The following SBNO2 variants were observed in gnomAD, a reference collection of about 807,000 sequenced individuals.
The protein encoded by SBNO2 is strawberry notch homolog 2.
SBNO2 carries 89 observed loss-of-function variants against 146.3 expected under a neutral mutation model. The ratio of observed to expected loss-of-function variants is 0.61; its 90% confidence interval spans 0.51 to 0.73. SBNO2 has a LOEUF of 0.73. Ranked by LOEUF, SBNO2 falls within the 30% of genes least tolerant of loss-of-function variation. The pLI is 0.00. For missense variants in SBNO2, 2,092 were observed against 2,003.7 expected (o/e 1.04, Z -0.84); for synonymous variants, 1,147 against 892.6 (o/e 1.29, Z -5.08).
At chr19:1,146,261 GCA>G (rs2080188859) in intron 4 of SBNO2, among the ~76,000 whole-genome samples, 1 of 152,062 alleles carries the variant, frequency 6.6e-6, no homozygotes, top group Non-Finnish European at 1.5e-5. Flanking sequence ...GGTCACCCCA[GCA>G]CAGACTCAGG....
chr19:1,166,703 G>A (rs1357231542), intron 1 of SBNO2, among the ~76,000 whole-genome samples: 1 of 152,048 alleles, frequency 6.6e-6, no homozygotes, highest in Non-Finnish European at 1.5e-5. Flanking sequence ...TTGAGCCTGT[G>A]GTCCCCTCTA....
chr19:1,108,802 G>A lies in SBNO2; in HGVS notation c.3593C>T (p.Thr1198Ile), dbSNP rs765157269. ...SSYLQIVRLK[T>I]KDRKKQVGIK... ...ACCCACTTGCTTCTTCCTGTCCTTG[G>A]TCTTCAGCCGCACGATCTGCAGGTA... Residue 1198 changes from threonine to isoleucine, a missense_variant, in exon 31 of 32, where the codon ACC (threonine) becomes ATC (isoleucine). By Grantham distance (89) the Thr-to-Ile change is moderately conservative (BLOSUM62 -1). Transcript: ENST00000361757. 2.7e-5 allele frequency: 44 copies of A among 1,603,094 alleles called. No homozygotes were observed. The highest frequency in any genetic ancestry group is 3.6e-5 in the Non-Finnish European group (42 of 1,179,034).
rs1050695027 is a variant in SBNO2 at position 1,150,969 on chromosome 19, C to T, written c.94-1527G>A. ...CACAGCTCCTCCCCTGCACAGAGGC[C>T]GGCAGCCTGGGCACCCTGAGCTCCT... On this transcript the variant is annotated intron_variant, in intron 2 of 31. Coordinates refer to ENST00000361757, the MANE Select transcript of SBNO2 (RefSeq NM_014963.3). This position sits in a 1 kb window ranked among gnomAD's most constrained non-coding sequence, Gnocchi z 6.2. 3.3e-5 allele frequency among the ~76,000 whole-genome samples: 5 copies of T among 152,234 alleles called. No individual in the cohort carries two copies. The highest frequency in any genetic ancestry group is 9.6e-5 in the African/African-American group (4 of 41,468).
In SBNO2 at chr19:1,122,184, G is replaced by A. The variant is rs1405074159; in HGVS notation, c.1104C>T (p.Arg368=). Residue 368 remains arginine, a synonymous_variant, in exon 11 of 32, where the codon CGC becomes CGT. Transcript: ENST00000361757. ...CACACCAGTCCAGGATCTGCCGGAGGCGAGTGCGGTGCTGGCCGCCGGCCT... is the reference window on the plus strand; with the variant it reads ...CACACCAGTCCAGGATCTGCCGGAGACGAGTGCGGTGCTGGCCGCCGGCCT... ...ESQAGGQHRT[R]LRQILDWCGE... 2 of 1,539,414 alleles carry A rather than the reference G, an allele frequency of 1.3e-6. No individual in the cohort carries two copies. Among genetic ancestry groups the A allele is most frequent in the South Asian group, 1.2e-5 (1 of 82,252 alleles).
chr19:1,111,113 A>G lies in SBNO2; in HGVS notation c.2810-20T>C. 6.5e-7 allele frequency: 1 copy of G among 1,541,604 alleles called. No homozygotes were observed. The highest frequency in any genetic ancestry group is 8.7e-7 in the Non-Finnish European group (1 of 1,145,936). On this transcript the variant is annotated intron_variant, in intron 24 of 31. Transcript: ENST00000361757. ...TCATGTCTGCGGGGAGAGGGGCCTC[A>G]CATGCTGGTCTTCCCACCCCTGCCC...
chr19:1,123,155 T>G (rs551804881), intron 7 of SBNO2, 110 bp from the exon 8 acceptor site: 4 of 1,269,532 alleles, frequency 3.2e-6, no homozygotes, highest in Non-Finnish European at 4.4e-6. Context: ...GGCGGGGCAG[T>G]TTGGGGGCGT....
chr19:1,130,254 T>C lies in SBNO2; in HGVS notation c.280-2489A>G, dbSNP rs984657920. Among the ~76,000 whole-genome samples the C allele has an allele frequency of 5.3e-5, 8 of 152,096 alleles. No individual in the cohort carries two copies. The East Asian group carries it at 5.8e-4, about 11-fold the overall frequency. On this transcript the variant is annotated intron_variant, in intron 4 of 31. Coordinates refer to ENST00000361757, the MANE Select transcript of SBNO2 (RefSeq NM_014963.3). ...AGCCGTGACAGCCACAGACGGGAGA[T>C]AGAACAGCAGGGAGCCCGGGAGTGG... is the stretch of plus-strand genomic sequence containing the variant.
At position 1,173,523 on chromosome 19, in the gene SBNO2, G is replaced by A. The variant is rs984811833; in HGVS notation, c.-127+649C>T. Among the ~76,000 whole-genome samples, 5 of 152,182 alleles carry A rather than the reference G, an allele frequency of 3.3e-5. No homozygotes were observed. Among genetic ancestry groups the A allele is most frequent in the South Asian group, 2.1e-4 (1 of 4,830 alleles). ...GGGAGGGGCGGGGAGCAAGGGGAGG[G>A]AGGGAGACAGGGCTGCGCTGCGGGG... On this transcript the variant is annotated intron_variant, in intron 1 of 31. Coordinates refer to ENST00000361757, the MANE Select transcript of SBNO2 (RefSeq NM_014963.3). The surrounding 1 kb of genome is among the most constrained non-coding windows in gnomAD (Gnocchi z 4.7).
intron 4 of SBNO2, among the ~76,000 whole-genome samples, chr19:1,139,354 C>T (rs1017309943): frequency 6.6e-6 from 1 of 152,218 alleles, no homozygotes; most frequent in African/African-American, 2.4e-5. Context: ...GGAGTGACAG[C>T]TGACGGGGAC....
At chr19:1,134,846 G>T (rs2080071141) in intron 4 of SBNO2, among the ~76,000 whole-genome samples, 1 of 152,034 alleles carries the variant, frequency 6.6e-6, no homozygotes, top group Non-Finnish European at 1.5e-5. Flanking sequence ...AGGAGTTCAA[G>T]ACCAGCCTGG....
chr19:1,150,228 G>A lies in SBNO2; in HGVS notation c.94-786C>T, dbSNP rs567238697. On this transcript the variant is annotated intron_variant, in intron 2 of 31. Transcript: ENST00000361757. The surrounding 1 kb of genome is among the most constrained non-coding windows in gnomAD (Gnocchi z 6.2). ...TATGCCTGCCCTTGGGAATGAGAGC[G>A]GCTTGAGGCACACGGCAGGCCCCAA... 1.4e-4 allele frequency among the ~76,000 whole-genome samples: 21 copies of A among 152,262 alleles called. No homozygotes were observed. The South Asian group carries it at 3.5e-3, about 26-fold the overall frequency.
chr19:1,160,262 G>A (rs1178851616), intron 1 of SBNO2, among the ~76,000 whole-genome samples: 2 of 152,182 alleles, frequency 1.3e-5, no homozygotes, highest in African/African-American at 2.4e-5. Flanking sequence ...CCAGCAAGCC[G>A]CTCACGGTCC....
chr19:1,163,041 T>G (rs1186488022), intron 1 of SBNO2, among the ~76,000 whole-genome samples: 1 of 152,066 alleles, frequency 6.6e-6, no homozygotes, highest in Non-Finnish European at 1.5e-5. Flanking sequence ...ATCTGGTAAG[T>G]GACGATTTGG....
chr19:1,112,061 G>A lies in SBNO2; in HGVS notation c.2635C>T (p.Leu879=). The change falls in exon 23 of 32, where the codon CTG becomes TTG. Residue 879 remains leucine (L), a synonymous_variant. Transcript: ENST00000361757. This position sits in a 1 kb window ranked among gnomAD's most constrained non-coding sequence, Gnocchi z 5.9. Reference sequence around the variant, plus strand: ...GTGGCGCGGCGGTCTCCGTGGGTCAGGGCCCCCTGCCAGGGGTGGGGAGGC... The same window carrying A: ...GTGGCGCGGCGGTCTCCGTGGGTCAAGGCCCCCTGCCAGGGGTGGGGAGGC... ...VAKRLESLGA[L]THGDRRATES... 1.2e-6 allele frequency: 2 copies of A among 1,612,404 alleles called. No homozygotes were observed. The highest frequency in any genetic ancestry group is 2.2e-5 in the East Asian group (1 of 44,854).
intron 1 of SBNO2, among the ~76,000 whole-genome samples, chr19:1,159,730 C>A (rs1426977533): frequency 1.1e-5 from 1 of 95,140 alleles, no homozygotes; most frequent in Non-Finnish European, 2.0e-5. Flanking sequence ...CAGCAAGGGA[C>A]GGGGTGACAA....
chr19:1,109,392 G>A lies in SBNO2; in HGVS notation c.3248C>T (p.Ala1083Val), dbSNP rs748177445. The change falls in exon 29 of 32, where the codon GCG becomes GTG. Residue 1083 changes from alanine to valine, a missense_variant. Physicochemically the swap from Ala to Val is moderately conservative, Grantham distance 64. Coordinates refer to ENST00000361757, the MANE Select transcript of SBNO2 (RefSeq NM_014963.3). This position sits in a 1 kb window ranked among gnomAD's most constrained non-coding sequence, Gnocchi z 4.2. ...VRGNKPSCLL[A>V]EQNRGQFFTV... The stretch of plus-strand genomic sequence containing the variant: ...GAAGAACTGGCCGCGGTTCTGCTCC[G>A]CCAGCAGGCAGCTGGGCTTGTTACC... 37 of 1,570,230 alleles carry A rather than the reference G, an allele frequency of 2.4e-5. No individual in the cohort carries two copies. The highest frequency in any genetic ancestry group is 7.0e-5 in the South Asian group (6 of 86,214).
At chr19:1,151,464 G>A (rs1419156026) in intron 2 of SBNO2, among the ~76,000 whole-genome samples, 5 of 152,212 alleles carry the variant, frequency 3.3e-5, no homozygotes, top group African/African-American at 1.2e-4. Context: ...GCTCCTCTGA[G>A]ACCTGCCATC....
chr19:1,119,837 C>G (rs2079878723), intron 12 of SBNO2, 69 bp downstream of exon 12: 2 of 1,231,934 alleles, frequency 1.6e-6, no homozygotes. Context: ...GTGGGATACC[C>G]CTTCGCGGGG....
intron 4 of SBNO2, among the ~76,000 whole-genome samples, chr19:1,139,316 C>T (rs2080113795): frequency 6.6e-6 from 1 of 151,840 alleles, no homozygotes; most frequent in Non-Finnish European, 1.5e-5. Context: ...GAAGGGGATG[C>T]GTGGGCGCCG....
Sources: allele counts gnomAD v4.1 joint callset (sites outside exome capture counted in the v4.1 genomes callset), GRCh38; gene constraint gnomAD v4.1.1; non-coding constraint Gnocchi (gnomAD v3.1); transcripts MANE v1.5; gene names NCBI Gene and HGNC (gene_info 2026-07-23, HGNC 2026-07-21).